The following TBCK variants were observed in gnomAD, a reference collection of about 807,000 sequenced individuals.
TBCK encodes the protein TBC domain-containing protein kinase-like protein.
A neutral mutation model predicts 113.4 loss-of-function variants in TBCK; 99 were observed. The observed-to-expected ratio is 0.87, with a 90% CI of 0.74 to 1.03. The LOEUF is 1.03. Ranked by LOEUF, TBCK falls within the 50% of genes least tolerant of loss-of-function variation. The probability of loss-of-function intolerance (pLI) is 0.00; values close to 1 mark genes in which losing one functional copy is unlikely to be tolerated. For missense variants in TBCK, 1,045 were observed against 1,061.3 expected (o/e 0.98, Z 0.21); for synonymous variants, 369 against 370.8 (o/e 1.00, Z 0.05).
At chr4:106,315,140 A>T (rs1768656580) in intron 1 of TBCK, among the ~76,000 whole-genome samples, 1 of 152,134 alleles carries the variant, frequency 6.6e-6, no homozygotes, top group African/African-American at 2.4e-5. Flanking sequence ...TACCGGGGGA[A>T]AAAAAACGTA....
chr4:106,092,220 GTA>G (rs1431366477), intron 25 of TBCK, among the ~76,000 whole-genome samples: 44 of 152,282 alleles, frequency 2.9e-4, no homozygotes, highest in Non-Finnish European at 6.0e-4. Flanking sequence ...GTGCTGACTG[GTA>G]TGTTTACAAA....
chr4:106,091,582 CAGTG>C (rs1740245528), intron 25 of TBCK, among the ~76,000 whole-genome samples: 1 of 152,068 alleles, frequency 6.6e-6, no homozygotes, highest in Non-Finnish European at 1.5e-5. Flanking sequence ...CAGACCTTTG[CAGTG>C]AGTGTTACAG....
intron 2 of TBCK, among the ~76,000 whole-genome samples, chr4:106,304,715 G>A (rs914812538): frequency 6.6e-6 from 1 of 152,094 alleles, no homozygotes; most frequent in African/African-American, 2.4e-5. Context: ...TTTGAGTGAA[G>A]GCAATTAGCT....
At chr4:106,255,546 C>T (rs1022589939) in intron 5 of TBCK, among the ~76,000 whole-genome samples, 1 of 152,134 alleles carries the variant, frequency 6.6e-6, no homozygotes, top group Non-Finnish European at 1.5e-5. Context: ...CCATGGCTGG[C>T]ACCAGGGAAC....
At chr4:106,156,343 T>A (rs1749119466) in intron 23 of TBCK, among the ~76,000 whole-genome samples, 1 of 152,156 alleles carries the variant, frequency 6.6e-6, no homozygotes, top group Non-Finnish European at 1.5e-5. Flanking sequence ...TAGCACTGGG[T>A]CTCGCCCAAG....
chr4:106,180,866 G>C (rs534244999), intron 22 of TBCK, among the ~76,000 whole-genome samples: 97 of 152,208 alleles, frequency 6.4e-4, no homozygotes, highest in African/African-American at 2.3e-3. Context: ...CTTTTTTGTA[G>C]AATGATTTAT....
chr4:106,316,275 A>G (rs184350978), upstream of TBCK: 2 of 373,516 alleles, frequency 5.4e-6, no homozygotes, highest in South Asian at 4.9e-5. Context: ...CTGAGGAAAG[A>G]CCCCGACTTG....
chr4:106,314,556 G>C (rs1431286965), intron 1 of TBCK, among the ~76,000 whole-genome samples: 2 of 151,490 alleles, frequency 1.3e-5, no homozygotes, highest in Non-Finnish European at 2.9e-5. Flanking sequence ...ACAGTACTGA[G>C]AGTAGGACAG....
intron 22 of TBCK, among the ~76,000 whole-genome samples, chr4:106,188,739 C>G (rs554522768): frequency 2.6e-5 from 4 of 152,102 alleles, no homozygotes; most frequent in Non-Finnish European, 5.9e-5. Context: ...CATTACAGTT[C>G]CCAATACGTA....
At chr4:106,244,796 T>C in intron 10 of TBCK, 32 bp from the exon 11 acceptor site, 2 of 1,363,678 alleles carry the variant, frequency 1.5e-6, no homozygotes, top group South Asian at 1.4e-5. Context: ...AATCATTGTA[T>C]TATATTTTCT....
chr4:106,268,821 T>G (rs547143500), intron 3 of TBCK, among the ~76,000 whole-genome samples: 1 of 152,216 alleles, frequency 6.6e-6, no homozygotes, highest in South Asian at 2.1e-4. Flanking sequence ...TTACTCAAAT[T>G]GCAAGAAATA....
intron 25 of TBCK, among the ~76,000 whole-genome samples, chr4:106,062,819 A>C (rs1736195756): frequency 6.6e-6 from 1 of 151,862 alleles, no homozygotes; most frequent in African/African-American, 2.4e-5. Flanking sequence ...TTTTCCTGGA[A>C]ATTGGAAAAA....
At chr4:106,250,319 G>C in intron 7 of TBCK, 99 bp downstream of exon 7, 1 of 762,998 alleles carries the variant, frequency 1.3e-6, no homozygotes, top group Non-Finnish European at 2.1e-6. Context: ...GGATATTTCA[G>C]TGTACTCACT....
At chr4:106,151,639 A>C (rs1748496120) in intron 23 of TBCK, among the ~76,000 whole-genome samples, 1 of 152,052 alleles carries the variant, frequency 6.6e-6, no homozygotes, top group East Asian at 1.9e-4. Flanking sequence ...TGCCATCAGC[A>C]TTTTAATAGG....
At chr4:106,238,397 G>A (rs977488378) in intron 12 of TBCK, among the ~76,000 whole-genome samples, 10 of 152,118 alleles carry the variant, frequency 6.6e-5, no homozygotes, top group Non-Finnish European at 1.3e-4. Flanking sequence ...AAAACATAAG[G>A]AAAATGCAGT....
rs1250742314 is a variant in TBCK, at chr4:106,154,815, T to C, written c.2235+16280A>G. ...AGTCTCAGGTATTTTATTACAGTTATAGCAGTTTGAGAATGGGCAAATACA... is the reference window on the plus strand; with the variant it reads ...AGTCTCAGGTATTTTATTACAGTTACAGCAGTTTGAGAATGGGCAAATACA... On this transcript the variant is annotated intron_variant, in intron 23 of 25. Transcript: ENST00000394708. Among the ~76,000 whole-genome samples the C allele has an allele frequency of 3.9e-5, 6 of 152,206 alleles. No individual in the cohort carries two copies. The East Asian group carries it at 5.8e-4, about 15-fold the overall frequency.
chr4:106,233,000 G>C lies in TBCK; in HGVS notation c.1577C>G (p.Ala526Gly), dbSNP rs754632132. Residue 526 changes from alanine to glycine, a missense_variant, in exon 17 of 26, where the codon GCA becomes GGA. Physicochemically the swap from Ala to Gly is moderately conservative, Grantham distance 60. Transcript: ENST00000394708. Reference protein sequence around the residue: ...DELLSSPEGHAKFRRVLKAWV... With the variant: ...DELLSSPEGHGKFRRVLKAWV... ...GGCTTTTAATACACGCCTAAATTTT[G>C]CATGACCTTCTGGTGATGATAACAG... 9 of 1,612,194 alleles carry C rather than the reference G, an allele frequency of 5.6e-6. No individual in the cohort carries two copies. Among genetic ancestry groups the C allele is most frequent in the African/African-American group, 1.3e-5 (1 of 74,816 alleles).
At position 106,242,589 on chromosome 4, in the gene TBCK, AATAATAT is replaced by A; in HGVS notation, c.1071-27_1071-21del. Reference sequence around the variant, plus strand: ...AGAAAACTGAAAAGAAATTTTTAAAAATAATATGTACACAAAATCCAGTTTATTGTTT... The same window carrying A: ...AGAAAACTGAAAAGAAATTTTTAAAAGTACACAAAATCCAGTTTATTGTTT... On this transcript the variant is annotated intron_variant, in intron 11 of 25. Transcript: ENST00000394708. The A allele has an allele frequency of 1.3e-6, 2 of 1,544,312 alleles. No homozygotes were observed. The highest frequency in any genetic ancestry group is 8.8e-7 in the Non-Finnish European group (1 of 1,134,988).
At chr4:106,279,912 T>C (rs62318090) in intron 3 of TBCK, among the ~76,000 whole-genome samples, 11,666 of 152,236 alleles carry the variant, frequency 0.077, 511 homozygotes, top group Middle Eastern at 0.18. Context: ...AGATACCTTT[T>C]TGATATACTG....
Sources: allele counts gnomAD v4.1 joint callset (sites outside exome capture counted in the v4.1 genomes callset), GRCh38; gene constraint gnomAD v4.1.1; transcripts MANE v1.5; gene names NCBI Gene and HGNC (gene_info 2026-07-23, HGNC 2026-07-21).